C6orf163: variants seen among roughly 807,000 people sequenced by gnomAD.
The protein encoded by C6orf163 is uncharacterized protein C6orf163.
In C6orf163, 22 loss-of-function variants were observed where a neutral mutation model predicts 28.4. That is an observed-to-expected ratio of 0.78 (90% CI 0.55 to 1.11). The LOEUF (loss-of-function observed/expected upper bound fraction) is 1.11, where lower values mean the gene tolerates loss of function less well. Among genes scored for constraint, C6orf163 ranks in the 50% least tolerant of loss-of-function variants. C6orf163 has a pLI of 0.00. For synonymous variants in C6orf163, 110 were observed against 123.6 expected, an observed-to-expected ratio of 0.89 and a Z score of 0.73; for missense variants, 342 against 389.1, an observed-to-expected ratio of 0.88 and a Z score of 1.02.
At chr6:87,347,412 A>G (rs381798) in intron 1 of C6orf163, 579,868 of 983,500 alleles carry the variant, frequency 0.59, 171,633 homozygotes, top group African/African-American at 0.63. Flanking sequence ...GAGGATAGTG[A>G]TAGCCTACAC....
intron 4 of C6orf163, among the ~76,000 whole-genome samples, chr6:87,360,780 A>G (rs1216795067): frequency 1.3e-5 from 2 of 152,248 alleles, no homozygotes; most frequent in Admixed American, 1.3e-4. Flanking sequence ...AACATGTATT[A>G]GAGAGAGTTT....
intron 3 of C6orf163, among the ~76,000 whole-genome samples, chr6:87,351,061 G>A (rs916282970): frequency 6.6e-6 from 1 of 152,164 alleles, no homozygotes; most frequent in African/African-American, 2.4e-5. Flanking sequence ...TTTAATGCAG[G>A]GCCAGATGTC....
chr6:87,350,297 A>G (rs1405740509), intron 2 of C6orf163, 97 bp from the exon 3 acceptor site: 10 of 751,972 alleles, frequency 1.3e-5, no homozygotes, highest in Non-Finnish European at 2.2e-5. Flanking sequence ...AATTTTCAGT[A>G]AACTTGAAAA....
chr6:87,351,193 A>G (rs1322875263), intron 3 of C6orf163, among the ~76,000 whole-genome samples: 1 of 152,222 alleles, frequency 6.6e-6, no homozygotes, highest in South Asian at 2.1e-4. Flanking sequence ...AAATCTGCTC[A>G]AAGGAAAATG....
Position 87,347,834 on chromosome 6 carries a change from C to G in C6orf163, c.149-978C>G, listed in dbSNP as rs555486495. 1.8e-5 allele frequency: 18 copies of G among 985,478 alleles called. No homozygotes were observed. The South Asian group carries it at 8.5e-4, about 46-fold the overall frequency. 61.0% of individuals were successfully genotyped at this position (985,478 alleles called of 1,614,324 possible). On this transcript the variant is annotated intron_variant, in intron 1 of 4. Transcript: ENST00000388923. ...AGGAGGAATGTGGATCCAGATAGCTCTAAGAATCTATTACCTTCAGCTTAG... is the reference window on the plus strand; with the variant it reads ...AGGAGGAATGTGGATCCAGATAGCTGTAAGAATCTATTACCTTCAGCTTAG...
intron 4 of C6orf163, among the ~76,000 whole-genome samples, chr6:87,361,070 A>G (rs780181494): frequency 6.6e-6 from 1 of 152,126 alleles, no homozygotes; most frequent in Non-Finnish European, 1.5e-5. Context: ...AGGCTGAGGT[A>G]GGAGGATCAC....
intron 1 of C6orf163, among the ~76,000 whole-genome samples, chr6:87,345,913 C>CAT (rs1777314587): frequency 2.6e-5 from 1 of 38,048 alleles, no homozygotes; most frequent in Non-Finnish European, 5.9e-5. Flanking sequence ...CGAGACTCTG[C>CAT]CTCAAAAAAA....
At chr6:87,363,927 T>C (rs977363495) in intron 4 of C6orf163, among the ~76,000 whole-genome samples, 2 of 152,088 alleles carry the variant, frequency 1.3e-5, no homozygotes, top group Non-Finnish European at 2.9e-5. Context: ...GATATCACAA[T>C]AAATTGAAAC....
rs547570334 is a variant in C6orf163, at chr6:87,356,303, A to G, written c.354A>G (p.Glu118=). ...ACCTAGTTTTGCCATTGCTTCAGGA[A>G]GTGACAGCTAAAACTAAGACAGAGA... ...LKEEHQKDLQ[E]VTAKTKTEMY... Residue 118 remains glutamate (E), a splice_region_variant and synonymous_variant, in exon 4 of 5, where the codon GAA becomes GAG. Coordinates refer to ENST00000388923, the MANE Select transcript of C6orf163 (RefSeq NM_001010868.3). 140 of 1,551,670 alleles carry G rather than the reference A, an allele frequency of 9.0e-5. 2 individuals are homozygous for G. The African/African-American group carries it at 1.7e-3, about 19-fold the overall frequency.
At chr6:87,347,614 A>G (rs1777345651) in intron 1 of C6orf163, 2 of 985,280 alleles carry the variant, frequency 2.0e-6, no homozygotes, top group Non-Finnish European at 2.4e-6. Flanking sequence ...TGTGCCGCCA[A>G]ACATATACTT....
chr6:87,358,714 A>G (rs1418777994), intron 4 of C6orf163: 1 of 152,190 alleles, frequency 6.6e-6, no homozygotes, highest in African/African-American at 2.4e-5. Flanking sequence ...TGTAATTCCT[A>G]CTGACAGCTT....
In C6orf163 at chr6:87,348,900, G is replaced by A. The variant is rs1238954744; in HGVS notation, c.237G>A (p.Trp79Ter). 3.3e-6 allele frequency: 5 copies of A among 1,536,902 alleles called. No homozygotes were observed. In the Admixed American group the frequency reaches 5.9e-5, roughly 18 times the overall value. The change falls in exon 2 of 5, where the codon TGG becomes TGA. Residue 79 changes from tryptophan (W) to a stop codon, truncating the protein, a stop_gained. Coordinates refer to ENST00000388923, the MANE Select transcript of C6orf163 (RefSeq NM_001010868.3). LOFTEE classifies it high-confidence loss of function. ...TTGCGAAAGCAGAAGCTGAAGTATG[G>A]GCTCAGGTAAAAGAAGTTACATGTC... ...EHIAKAEAEVWAQANERQKQA... is the reference protein window; with the variant it reads ...EHIAKAEAEV
intron 3 of C6orf163, among the ~76,000 whole-genome samples, chr6:87,353,825 C>G (rs1777456577): frequency 6.6e-6 from 1 of 152,172 alleles, no homozygotes; most frequent in Non-Finnish European, 1.5e-5. Flanking sequence ...GCAACCTAAA[C>G]CCAACAGACT....
Position 87,365,124 on chromosome 6 carries a change from G to C in C6orf163, c.718G>C (p.Glu240Gln). 1 of 1,552,012 alleles carries C rather than the reference G, an allele frequency of 6.4e-7. No homozygotes were observed. Among genetic ancestry groups the C allele is most frequent in the Non-Finnish European group, 8.7e-7 (1 of 1,147,076 alleles). ...EEVQEVLQEAEKTHQATLGNM... is the reference protein window; with the variant it reads ...EEVQEVLQEAQKTHQATLGNM... ...GGTACAGGAAGTGCTTCAAGAAGCA[G>C]AGAAAACACATCAGGCCACTCTTGG... Residue 240 changes from glutamate (E) to glutamine (Q), a missense_variant, in exon 5 of 5, where the codon GAG becomes CAG. Transcript: ENST00000388923.
At chr6:87,354,459 C>A (rs899294253) in intron 3 of C6orf163, among the ~76,000 whole-genome samples, 1 of 152,156 alleles carries the variant, frequency 6.6e-6, no homozygotes, top group Non-Finnish European at 1.5e-5. Flanking sequence ...GTCTACCAAG[C>A]CTGGATCATT....
At position 87,350,164 on chromosome 6, in the gene C6orf163, A is replaced by G. The variant is rs10484884; in HGVS notation, c.244-230A>G. Among the ~76,000 whole-genome samples the G allele has an allele frequency of 0.034, 5,122 of 152,274 alleles. 300 individuals are homozygous for G. The highest frequency in any genetic ancestry group is 0.11 in the African/African-American group (4,767 of 41,534). On this transcript the variant is annotated intron_variant, in intron 2 of 4. Transcript: ENST00000388923. ...AGCTGCCTTGCCTTTAGCGATTCCA[A>G]AAACAGCAAGGCTAGCTCTGGATTG...
In C6orf163 at chr6:87,354,974, A is replaced by G. The variant is rs150306589; in HGVS notation, c.352-1327A>G. ...AAATGGTGCTAAAGGGAGTTGAGCA[A>G]TCTTCAGCCAGGAGAACTCTTACTG... On this transcript the variant is annotated intron_variant, in intron 3 of 4. Transcript: ENST00000388923. Among the ~76,000 whole-genome samples, 80 of 152,362 alleles carry G rather than the reference A, an allele frequency of 5.3e-4. 1 individual carries two copies. Among genetic ancestry groups the G allele is most frequent in the South Asian group, 2.1e-3 (10 of 4,830 alleles).
At chr6:87,352,028 G>C (rs1777420630) in intron 3 of C6orf163, among the ~76,000 whole-genome samples, 1 of 152,194 alleles carries the variant, frequency 6.6e-6, no homozygotes, top group African/African-American at 2.4e-5. Flanking sequence ...CAGCCTTTGA[G>C]TGGAGTTGAG....
rs186113306 is a variant in C6orf163 at position 87,359,684 on chromosome 6, T to C, written c.554+3181T>C. Among the ~76,000 whole-genome samples the C allele has an allele frequency of 4.6e-5, 7 of 152,382 alleles. No individual in the cohort carries two copies. The East Asian group carries it at 1.3e-3, about 29-fold the overall frequency. On this transcript the variant is annotated intron_variant, in intron 4 of 4. Transcript: ENST00000388923. ...TTAGTTAAGATTGAGTTGTTAGATATCAGATTATGTTTTTATTTAGTAAGT... is the reference window on the plus strand; with the variant it reads ...TTAGTTAAGATTGAGTTGTTAGATACCAGATTATGTTTTTATTTAGTAAGT...
Sources: gnomAD v4.1 joint callset for allele counts (sites outside exome capture counted in the v4.1 genomes callset) on GRCh38, gnomAD v4.1.1 for gene constraint, MANE v1.5 for transcripts, NCBI Gene and HGNC (gene_info 2026-07-23, HGNC 2026-07-21) for gene names.